Variants in KHDRBS2 observed in about 807,000 individuals in gnomAD.
KHDRBS2 encodes the protein KH domain-containing, RNA-binding, signal transduction-associated protein 2.
KHDRBS2 carries 26 observed loss-of-function variants against 44.3 expected under a neutral mutation model. The observed-to-expected ratio is 0.59, with a 90% confidence interval of 0.43 to 0.81. The LOEUF (loss-of-function observed/expected upper bound fraction) is 0.81, where lower values mean the gene tolerates loss of function less well. Ranked by LOEUF, KHDRBS2 falls within the 40% of genes least tolerant of loss-of-function variation. The pLI, the probability that KHDRBS2 is intolerant of heterozygous loss-of-function variation, is 0.00. For missense variants in KHDRBS2, 476 were observed against 433.1 expected (o/e 1.10, Z -0.88); for synonymous variants, 194 against 151.1 (o/e 1.28, Z -2.08).
At chr6:62,200,530 A>G (rs567598518) in intron 1 of KHDRBS2, among the ~76,000 whole-genome samples, 2 of 152,340 alleles carry the variant, frequency 1.3e-5, no homozygotes, top group Non-Finnish European at 2.9e-5. Context: ...CAAAACCACA[A>G]TGAGATACCA....
At chr6:61,597,535 T>C in the KHDRBS2 span, among the ~76,000 whole-genome samples, 2 of 151,576 alleles carry the variant, frequency 1.3e-5, no homozygotes, top group African/African-American at 2.4e-5. Flanking sequence ...TATTTGTTCT[T>C]ACTAATTCTT....
intron 1 of KHDRBS2, among the ~76,000 whole-genome samples, chr6:62,276,106 C>T (rs535670525): frequency 8.5e-5 from 13 of 152,160 alleles, no homozygotes; most frequent in African/African-American, 1.7e-4. Flanking sequence ...AAAATATCTA[C>T]GCTCTAGAGA....
intron 2 of KHDRBS2, among the ~76,000 whole-genome samples, chr6:62,057,059 CAG>C (rs1790450661): frequency 6.6e-6 from 1 of 151,918 alleles, no homozygotes; most frequent in Non-Finnish European, 1.5e-5. Context: ...GTTGTATAAT[CAG>C]AGACTGAGTT....
At chr6:62,185,290 T>C (rs1449803655) in intron 1 of KHDRBS2, among the ~76,000 whole-genome samples, 3 of 151,898 alleles carry the variant, frequency 2.0e-5, no homozygotes, top group Non-Finnish European at 4.4e-5. Context: ...TTTTACATCA[T>C]AGAAAAATAA....
At chr6:62,271,770 G>C (rs887770467) in intron 1 of KHDRBS2, among the ~76,000 whole-genome samples, 1 of 151,860 alleles carries the variant, frequency 6.6e-6, no homozygotes, top group Admixed American at 6.6e-5. Flanking sequence ...AATCAAAAAA[G>C]CTTACAGAAT....
intron 6 of KHDRBS2, among the ~76,000 whole-genome samples, chr6:61,889,636 C>T (rs566784327): frequency 6.6e-6 from 1 of 152,248 alleles, no homozygotes; most frequent in African/African-American, 2.4e-5. Context: ...TAACAGTCTC[C>T]TTGTTTCCAC....
At chr6:61,580,628 C>A in the KHDRBS2 span, among the ~76,000 whole-genome samples, 1 of 152,098 alleles carries the variant, frequency 6.6e-6, no homozygotes, top group Admixed American at 6.6e-5. Context: ...ACCACGAACC[C>A]ACTGGGACAA....
intron 4 of KHDRBS2, among the ~76,000 whole-genome samples, chr6:61,918,824 A>G (rs1235702909): frequency 3.3e-5 from 5 of 151,984 alleles, no homozygotes; most frequent in Non-Finnish European, 7.4e-5. Context: ...TGTGTTTGAC[A>G]TGCATGTAAA....
chr6:61,990,990 G>A (rs144817566), intron 3 of KHDRBS2, among the ~76,000 whole-genome samples: 311 of 152,262 alleles, frequency 2.0e-3, no homozygotes, highest in African/African-American at 7.2e-3. Flanking sequence ...TTACAGGCAT[G>A]AGCCACTGCA....
At chr6:61,731,223 G>C (rs879405388) in intron 7 of KHDRBS2, among the ~76,000 whole-genome samples, 1 of 151,896 alleles carries the variant, frequency 6.6e-6, no homozygotes, top group Non-Finnish European at 1.5e-5. Flanking sequence ...TATAATACTC[G>C]GTTCAATATC....
At chr6:62,262,028 C>T (rs1380262561) in intron 1 of KHDRBS2, among the ~76,000 whole-genome samples, 1 of 151,608 alleles carries the variant, frequency 6.6e-6, no homozygotes. Context: ...ATAATAATTT[C>T]CATTGAGTTA....
chr6:61,764,023 C>A (rs1779641824), intron 6 of KHDRBS2, among the ~76,000 whole-genome samples: 1 of 151,996 alleles, frequency 6.6e-6, no homozygotes, highest in Admixed American at 6.6e-5. Context: ...TTCTTCCCCT[C>A]CCTGTGTCCA....
chr6:61,718,527 A>G (rs527412764), intron 7 of KHDRBS2, among the ~76,000 whole-genome samples: 7 of 152,144 alleles, frequency 4.6e-5, no homozygotes, highest in Non-Finnish European at 1.0e-4. Context: ...TTCTCTCCCT[A>G]GAGGATGACT....
intron 6 of KHDRBS2, among the ~76,000 whole-genome samples, chr6:61,847,152 G>A (rs891438749): frequency 1.2e-4 from 19 of 152,028 alleles, no homozygotes; most frequent in African/African-American, 3.6e-4. Context: ...TTTTCCTAAC[G>A]TTTATTTTTT....
At position 61,803,862 on chromosome 6, in the gene KHDRBS2, G is replaced by A. The variant is rs185613957; in HGVS notation, c.811-71098C>T. On this transcript the variant is annotated intron_variant, in intron 6 of 8. Coordinates refer to ENST00000281156, the MANE Select transcript of KHDRBS2 (RefSeq NM_152688.4). The stretch of plus-strand genomic sequence containing the variant: ...ACTCACCATCACAAGAACAGCATAG[G>A]GGTATCAGGTCCATGATCTAATCAC... Among the ~76,000 whole-genome samples the A allele has an allele frequency of 1.3e-3, 203 of 152,000 alleles. 1 individual carries two copies. Among genetic ancestry groups the A allele is most frequent in the African/African-American group, 4.6e-3 (190 of 41,456 alleles).
intron 6 of KHDRBS2, among the ~76,000 whole-genome samples, chr6:61,862,360 A>G (rs1797112820): frequency 6.6e-6 from 1 of 152,108 alleles, no homozygotes; most frequent in Non-Finnish European, 1.5e-5. Context: ...ACTATGTAGA[A>G]TAGGAGTGGT....
intron 2 of KHDRBS2, among the ~76,000 whole-genome samples, chr6:62,132,976 T>C (rs965971993): frequency 5.3e-5 from 8 of 152,216 alleles, no homozygotes; most frequent in Admixed American, 5.2e-4. Flanking sequence ...GGCCACATAG[T>C]AAAGTATTTT....
At chr6:61,644,979 G>A in the KHDRBS2 span, among the ~76,000 whole-genome samples, 2 of 151,916 alleles carry the variant, frequency 1.3e-5, no homozygotes, top group African/African-American at 4.8e-5. Context: ...ATACTCAAAA[G>A]AATAAAAATT....
At chr6:61,975,094 C>T (rs1458614227) in intron 4 of KHDRBS2, among the ~76,000 whole-genome samples, 1 of 151,954 alleles carries the variant, frequency 6.6e-6, no homozygotes, top group East Asian at 1.9e-4. Flanking sequence ...GGTTGTTTAC[C>T]AGCATCCTAA....
Sources: gnomAD v4.1 joint callset for allele counts (sites outside exome capture counted in the v4.1 genomes callset) on GRCh38, gnomAD v4.1.1 for gene constraint, MANE v1.5 for transcripts, NCBI Gene and HGNC (gene_info 2026-07-23, HGNC 2026-07-21) for gene names.